The following CREBL2 variants were observed in gnomAD, a reference collection of about 807,000 sequenced individuals.
CREBL2 encodes cAMP-responsive element-binding protein-like 2.
Under a neutral mutation model 19.5 loss-of-function variants are expected in CREBL2, and 4 were observed. The ratio of observed to expected loss-of-function variants is 0.20; its 90% CI spans 0.10 to 0.47. CREBL2 has a LOEUF of 0.47. Ranked by LOEUF, CREBL2 falls within the 20% of genes least tolerant of loss-of-function variation. CREBL2 has a pLI of 0.98. For missense variants in CREBL2, 85 were observed against 145.1 expected (o/e 0.59, Z 2.13); for synonymous variants, 42 against 46.6 (o/e 0.90, Z 0.40).
In CREBL2 at chr12:12,611,952, A is replaced by G. The variant is rs1398360447; in HGVS notation, c.-221A>G. 1.7e-6 allele frequency: 1 copy of G among 585,490 alleles called. No homozygotes were observed. The highest frequency in any genetic ancestry group is 1.9e-5 in the African/African-American group (1 of 52,818). 36.3% of individuals were successfully genotyped at this position (585,490 alleles called of 1,614,324 possible). On this transcript the variant is annotated 5_prime_UTR_variant, in exon 1 of 4. Transcript: ENST00000228865. Reference sequence around the variant, plus strand: ...GGGGGAGGAGGAGGCGGCGGCGGCGAAGGGAGGCGTTTGGGGCCGCCTCCA... The same window carrying G: ...GGGGGAGGAGGAGGCGGCGGCGGCGGAGGGAGGCGTTTGGGGCCGCCTCCA...
intron 1 of CREBL2, among the ~76,000 whole-genome samples, chr12:12,622,099 C>A (rs1470206260): frequency 1.3e-5 from 2 of 152,088 alleles, no homozygotes; most frequent in African/African-American, 2.4e-5. Context: ...TCTTCAGATA[C>A]GGATTGGGTG....
intron 1 of CREBL2, among the ~76,000 whole-genome samples, chr12:12,630,672 T>C (rs1408985028): frequency 1.3e-5 from 2 of 152,206 alleles, no homozygotes; most frequent in African/African-American, 4.8e-5. Context: ...TGCTAGTTTC[T>C]TAAGGTGGAA....
chr12:12,616,280 T>C (rs1945310995), intron 1 of CREBL2, among the ~76,000 whole-genome samples: 1 of 152,218 alleles, frequency 6.6e-6, no homozygotes, highest in Admixed American at 6.5e-5. Context: ...TTTCTAAAAC[T>C]AGCAATCTGG....
chr12:12,636,646 C>T (rs577104965), intron 2 of CREBL2, among the ~76,000 whole-genome samples: 190 of 152,344 alleles, frequency 1.2e-3, no homozygotes, highest in Non-Finnish European at 1.0e-4. Flanking sequence ...TGGTCTCAAT[C>T]TCCTGACCTC....
At chr12:12,623,705 T>C (rs1469114111) in intron 1 of CREBL2, among the ~76,000 whole-genome samples, 1 of 152,212 alleles carries the variant, frequency 6.6e-6, no homozygotes, top group African/African-American at 2.4e-5. Flanking sequence ...TAAAAAGATA[T>C]GTCCATGTCT....
chr12:12,634,975 T>G (rs1156810092), intron 1 of CREBL2, among the ~76,000 whole-genome samples: 1 of 150,662 alleles, frequency 6.6e-6, no homozygotes, highest in Non-Finnish European at 1.5e-5. Context: ...AGGCAGAAGA[T>G]CACTTGAACT....
At chr12:12,624,994 T>TCA (rs755513360) in intron 1 of CREBL2, among the ~76,000 whole-genome samples, 5 of 152,170 alleles carry the variant, frequency 3.3e-5, no homozygotes, top group South Asian at 4.1e-4. Context: ...GCCAGACTCT[T>TCA]CTCTGAAGTT....
intron 3 of CREBL2, 36 bp from the exon 4 acceptor site, chr12:12,641,957 TA>T: frequency 1.3e-6 from 2 of 1,490,440 alleles, no homozygotes; most frequent in Admixed American, 3.6e-5. Context: ...TTATTGACTC[TA>T]AAAACATTCT....
intron 1 of CREBL2, among the ~76,000 whole-genome samples, chr12:12,622,804 G>C (rs1945370100): frequency 1.3e-5 from 2 of 151,104 alleles, no homozygotes; most frequent in Non-Finnish European, 2.9e-5. Context: ...GCAGTGGCTA[G>C]CCACATTCAT....
chr12:12,641,601 G>A (rs1035382208), intron 3 of CREBL2, among the ~76,000 whole-genome samples: 8 of 152,022 alleles, frequency 5.3e-5, no homozygotes, highest in South Asian at 2.1e-4. Context: ...GAGCTACCAC[G>A]CCCATCTAGA....
chr12:12,632,043 C>T (rs1349271235), intron 1 of CREBL2, among the ~76,000 whole-genome samples: 1 of 144,436 alleles, frequency 6.9e-6, no homozygotes, highest in African/African-American at 2.5e-5. Flanking sequence ...AATACAGAAA[C>T]CTTGGATTCA....
At chr12:12,629,862 T>C (rs756864643) in intron 1 of CREBL2, among the ~76,000 whole-genome samples, 2 of 152,184 alleles carry the variant, frequency 1.3e-5, no homozygotes, top group African/African-American at 2.4e-5. Context: ...GTGTGTGAGA[T>C]GAACATGCAA....
At chr12:12,617,483 G>A (rs1425756412) in intron 1 of CREBL2, among the ~76,000 whole-genome samples, 2 of 151,940 alleles carry the variant, frequency 1.3e-5, no homozygotes, top group African/African-American at 2.4e-5. Flanking sequence ...CAATAGGTGA[G>A]GCCTTGGTGA....
chr12:12,612,026 G>A lies in CREBL2; in HGVS notation c.-147G>A. 1 of 950,400 alleles carries A rather than the reference G, an allele frequency of 1.1e-6. No homozygotes were observed. The highest frequency in any genetic ancestry group is 2.5e-5 in the East Asian group (1 of 39,294). The allele number at this position is 950,400 out of a possible 1,614,324, so 58.9% of individuals were successfully genotyped here. ...CTGGTCCCTCGTCCCCGTGACTCTG[G>A]CATCAGGGAAGCGAACTGTTAGGCG... On this transcript the variant is annotated 5_prime_UTR_variant, in exon 1 of 4. Transcript: ENST00000228865.
intron 1 of CREBL2, among the ~76,000 whole-genome samples, chr12:12,613,470 C>T (rs992287110): frequency 3.3e-5 from 5 of 152,126 alleles, no homozygotes; most frequent in African/African-American, 4.8e-5. Context: ...CAGAGAGATT[C>T]AAAAAATTTC....
chr12:12,636,052 A>T (rs899744760), intron 2 of CREBL2, 78 bp downstream of exon 2: 1 of 1,302,808 alleles, frequency 7.7e-7, no homozygotes, highest in African/African-American at 1.5e-5. Flanking sequence ...CGAAAATACC[A>T]GTTATCACCT....
Position 12,643,569 on chromosome 12 carries a change from T to G in CREBL2, c.*1571T>G, listed in dbSNP as rs1337392083. 1.3e-5 allele frequency: 2 copies of G among 152,238 alleles called. No individual in the cohort carries two copies. The highest frequency in any genetic ancestry group is 2.9e-5 in the Non-Finnish European group (2 of 68,024). 9.4% of individuals were successfully genotyped at this position (152,238 alleles called of 1,614,324 possible). A position where few individuals can be genotyped will look rare whatever the true frequency, so the allele number is the denominator to read the frequency against. ...ACATAGTTTAAGATTACAAGGTACT[T>G]TCCCTCTTCTCTCAGGCCATGCATT... On this transcript the variant is annotated 3_prime_UTR_variant, in exon 4 of 4. Coordinates refer to ENST00000228865, the MANE Select transcript of CREBL2 (RefSeq NM_001310.4).
chr12:12,638,271 T>G (rs1170476214), intron 3 of CREBL2, among the ~76,000 whole-genome samples: 1 of 152,056 alleles, frequency 6.6e-6, no homozygotes, highest in Non-Finnish European at 1.5e-5. Flanking sequence ...TGAAACCCCA[T>G]TTCTATTAAA....
chr12:12,621,162 C>T (rs1411807729), intron 1 of CREBL2, among the ~76,000 whole-genome samples: 2 of 152,184 alleles, frequency 1.3e-5, no homozygotes, highest in Non-Finnish European at 2.9e-5. Context: ...GCCATTGTAT[C>T]ATGAAAGCAA....
Sources: allele counts gnomAD v4.1 joint callset (sites outside exome capture counted in the v4.1 genomes callset), GRCh38; gene constraint gnomAD v4.1.1; transcripts MANE v1.5; gene names NCBI Gene and HGNC (gene_info 2026-07-23, HGNC 2026-07-21).